ADGRG7: variants seen among roughly 807,000 people sequenced by gnomAD.
ADGRG7 encodes the protein G-protein coupled receptor 128.
A neutral mutation model predicts 88.6 loss-of-function variants in ADGRG7; 82 were observed. The ratio of observed to expected loss-of-function variants is 0.93; its 90% CI spans 0.77 to 1.11. ADGRG7 has a LOEUF of 1.11. Ranked by LOEUF, ADGRG7 falls within the 50% of genes most tolerant of loss-of-function variation. The probability of loss-of-function intolerance (pLI) is 0.00; values close to 1 mark genes in which losing one functional copy is unlikely to be tolerated. For synonymous variants in ADGRG7, 381 were observed against 345.2 expected (o/e 1.10, Z -1.15); for missense variants, 945 against 953.4 (o/e 0.99, Z 0.12).
In ADGRG7 at chr3:100,694,979, A is replaced by G. The variant is rs1242063553; in HGVS notation, c.2372A>G (p.Asp791Gly). The change falls in exon 16 of 16, where the codon GAC becomes GGC. Residue 791 changes from aspartate (D) to glycine (G), a missense_variant. Transcript: ENST00000273352. ...STEEITLSES[D>G]NAKESI ...GAGGAAATCACACTCTCTGAAAGTGACAATGCAAAGGAAAGCATCTAGACA... is the reference window on the plus strand; with the variant it reads ...GAGGAAATCACACTCTCTGAAAGTGGCAATGCAAAGGAAAGCATCTAGACA... The G allele has an allele frequency of 6.2e-7, 1 of 1,614,064 alleles. No homozygotes were observed. The highest frequency in any genetic ancestry group is 1.1e-5 in the South Asian group (1 of 91,092).
chr3:100,689,378 T>C (rs549690494), intron 15 of ADGRG7, among the ~76,000 whole-genome samples: 1 of 152,340 alleles, frequency 6.6e-6, no homozygotes, highest in East Asian at 1.9e-4. Flanking sequence ...CCCATTTACA[T>C]TTAAGGTTAA....
chr3:100,635,530 A>G, intron 4 of ADGRG7, 147 bp from the exon 5 acceptor site: 2 of 1,449,338 alleles, frequency 1.4e-6, no homozygotes, highest in East Asian at 4.9e-5. Context: ...TTACACAAGG[A>G]AGGATGCAAA....
chr3:100,627,203 G>A (rs1490762885), intron 1 of ADGRG7, among the ~76,000 whole-genome samples: 1 of 152,170 alleles, frequency 6.6e-6, no homozygotes, highest in African/African-American at 2.4e-5. Context: ...GATATTTGTA[G>A]TAGGTTCTTC....
Position 100,655,018 on chromosome 3 carries a change from C to T in ADGRG7, c.1563C>T (p.Ile521=). The change falls in exon 12 of 16, where the codon ATC becomes ATT. Residue 521 remains isoleucine, a synonymous_variant. Coordinates refer to ENST00000273352, the MANE Select transcript of ADGRG7 (RefSeq NM_032787.3). ...NDIPRTDTIN[I]PNPMCTAIAA... ...TACCCAGGACAGACACCATTAACAT[C>T]CCGAATCCCATGTGCACTGCGATTG... 6.2e-7 allele frequency: 1 copy of T among 1,614,124 alleles called. No individual in the cohort carries two copies. Among genetic ancestry groups the T allele is most frequent in the Non-Finnish European group, 8.5e-7 (1 of 1,180,006 alleles).
At chr3:100,679,648 C>T (rs1167715535) in intron 15 of ADGRG7, among the ~76,000 whole-genome samples, 1 of 152,184 alleles carries the variant, frequency 6.6e-6, no homozygotes, top group Non-Finnish European at 1.5e-5. Flanking sequence ...TATGTACTTT[C>T]CTGAGCTGGA....
chr3:100,657,654 A>G (rs1032044995), intron 13 of ADGRG7, among the ~76,000 whole-genome samples: 1 of 152,204 alleles, frequency 6.6e-6, no homozygotes, highest in African/African-American at 2.4e-5. Flanking sequence ...GGAGTTAAAC[A>G]CTTCATCTGC....
intron 3 of ADGRG7, among the ~76,000 whole-genome samples, chr3:100,631,204 A>C (rs1331679435): frequency 2.0e-5 from 3 of 152,144 alleles, no homozygotes; most frequent in Non-Finnish European, 4.4e-5. Flanking sequence ...GTAGAGATGC[A>C]TGGTTAAGTC....
At chr3:100,694,631 GT>G (rs2094999105) in intron 15 of ADGRG7, 112 bp from the exon 16 acceptor site, 1 of 1,014,218 alleles carries the variant, frequency 9.9e-7, no homozygotes, top group Non-Finnish European at 1.4e-6. Flanking sequence ...GCAAATTCAA[GT>G]TGGGGAAGTG....
At chr3:100,651,987 G>A (rs1197764506) in intron 11 of ADGRG7, among the ~76,000 whole-genome samples, 2 of 152,110 alleles carry the variant, frequency 1.3e-5, no homozygotes, top group Non-Finnish European at 2.9e-5. Flanking sequence ...CGATGGGTTT[G>A]TTGTGATGCA....
At chr3:100,688,928 G>A (rs7629392) in intron 15 of ADGRG7, among the ~76,000 whole-genome samples, 1 of 151,832 alleles carries the variant, frequency 6.6e-6, no homozygotes, top group Non-Finnish European at 1.5e-5. Context: ...TTCCTGGATA[G>A]CCTTGTTAAC....
intron 6 of ADGRG7, 90 bp downstream of exon 6, chr3:100,637,492 C>A (rs1707565297): frequency 1.2e-6 from 1 of 848,840 alleles, no homozygotes; most frequent in Admixed American, 1.9e-5. Context: ...CTTTATTTCT[C>A]TCATGGATGC....
At chr3:100,660,347 C>G (rs1422603724) in intron 14 of ADGRG7, among the ~76,000 whole-genome samples, 3 of 152,114 alleles carry the variant, frequency 2.0e-5, no homozygotes, top group African/African-American at 4.8e-5. Flanking sequence ...CTCTGCCATC[C>G]AGGCTGGAGT....
At chr3:100,676,591 G>A (rs1220714210) in intron 15 of ADGRG7, among the ~76,000 whole-genome samples, 3 of 151,976 alleles carry the variant, frequency 2.0e-5, no homozygotes, top group South Asian at 2.1e-4. Flanking sequence ...TGGATGAAAT[G>A]TTCTATAATT....
At chr3:100,682,663 A>G (rs1268666450) in intron 15 of ADGRG7, among the ~76,000 whole-genome samples, 1 of 152,044 alleles carries the variant, frequency 6.6e-6, no homozygotes, top group African/African-American at 2.4e-5. Context: ...CACAAGAAGA[A>G]CTTGCAGTGA....
intron 15 of ADGRG7, among the ~76,000 whole-genome samples, chr3:100,683,020 A>T (rs1262721952): frequency 1.3e-5 from 2 of 152,164 alleles, no homozygotes; most frequent in African/African-American, 4.8e-5. Context: ...CCTGATGAGC[A>T]GCTCTAGTGA....
chr3:100,627,812 G>C (rs1443693905), intron 1 of ADGRG7, among the ~76,000 whole-genome samples: 1 of 152,018 alleles, frequency 6.6e-6, no homozygotes, highest in African/African-American at 2.4e-5. Flanking sequence ...GGATCTATAA[G>C]CTGAAGTTCT....
chr3:100,637,366 G>C lies in ADGRG7; in HGVS notation c.662G>C (p.Arg221Thr), dbSNP rs751781119. 6.2e-7 allele frequency: 1 copy of C among 1,613,868 alleles called. No individual in the cohort carries two copies. Among genetic ancestry groups the C allele is most frequent in the Non-Finnish European group, 8.5e-7 (1 of 1,179,850 alleles). Residue 221 changes from arginine to threonine, a missense_variant, in exon 6 of 16, where the codon AGA becomes ACA. Coordinates refer to ENST00000273352, the MANE Select transcript of ADGRG7 (RefSeq NM_032787.3). ...GATGCCAGTGAAGATGCTTTTCAAAGAGTTGCTGCTACTGCTAATGATGAT... is the reference window on the plus strand; with the variant it reads ...GATGCCAGTGAAGATGCTTTTCAAACAGTTGCTGCTACTGCTAATGATGAT... ...LLDASEDAFQ[R>T]VAATANDDAL...
At chr3:100,674,433 C>T (rs745581090) in intron 15 of ADGRG7, among the ~76,000 whole-genome samples, 2 of 152,146 alleles carry the variant, frequency 1.3e-5, no homozygotes. Flanking sequence ...CATGGAATCT[C>T]TTTCCATTTT....
intron 15 of ADGRG7, among the ~76,000 whole-genome samples, chr3:100,669,990 A>G (rs184262418): frequency 0.013 from 2,011 of 152,196 alleles, 21 homozygotes; most frequent in Middle Eastern, 0.048. Context: ...GTGAGCTGAG[A>G]TCACACCACT....
Sources: gnomAD v4.1 joint callset for allele counts (sites outside exome capture counted in the v4.1 genomes callset) on GRCh38, gnomAD v4.1.1 for gene constraint, MANE v1.5 for transcripts, NCBI Gene and HGNC (gene_info 2026-07-23, HGNC 2026-07-21) for gene names.